ESR1: variants seen among roughly 807,000 people sequenced by gnomAD.
The protein encoded by ESR1 is estrogen receptor 1.
ESR1 carries 12 observed loss-of-function variants against 52.7 expected under a neutral mutation model. That is an observed-to-expected ratio of 0.23 (90% CI 0.15 to 0.37). The LOEUF is 0.37. Among genes scored for constraint, ESR1 ranks in the 10% least tolerant of loss-of-function variants. ESR1 has a pLI of 1.00. For synonymous variants in ESR1, 305 were observed against 316.8 expected, an observed-to-expected ratio of 0.96 and a Z score of 0.39; for missense variants, 584 against 779.7, an observed-to-expected ratio of 0.75 and a Z score of 2.99.
intron 1 of ESR1, among the ~76,000 whole-genome samples, chr6:151,836,194 A>G (rs17081777): frequency 0.055 from 8,356 of 152,258 alleles, 766 homozygotes; most frequent in African/African-American, 0.19. Flanking sequence ...GATGTAGGAG[A>G]TATATTTAGC....
chr6:151,710,315 G>A (rs1020714419), intron 2 of ESR1, among the ~76,000 whole-genome samples: 10 of 151,300 alleles, frequency 6.6e-5, no homozygotes, highest in African/African-American at 1.9e-4. Context: ...AGAAAGATAC[G>A]TGGATTACAT....
At chr6:151,740,934 A>G (rs1008939524) in intron 2 of ESR1, among the ~76,000 whole-genome samples, 2 of 152,164 alleles carry the variant, frequency 1.3e-5, no homozygotes, top group African/African-American at 2.4e-5. Flanking sequence ...CAGCTTTTCT[A>G]TATTCTGCTT....
chr6:152,047,107 G>A (rs2046288074), intron 5 of ESR1, among the ~76,000 whole-genome samples: 1 of 151,980 alleles, frequency 6.6e-6, no homozygotes, highest in Non-Finnish European at 1.5e-5. Flanking sequence ...TCAACCACAA[G>A]GAAACTAAAA....
chr6:152,063,909 G>A (rs1052339736), intron 6 of ESR1, among the ~76,000 whole-genome samples: 3 of 152,320 alleles, frequency 2.0e-5, no homozygotes, highest in Non-Finnish European at 4.4e-5. Context: ...TTTTGTGGCC[G>A]AGGCACAAGG....
At chr6:151,696,850 A>C (rs1779387698) in intron 1 of ESR1, among the ~76,000 whole-genome samples, 1 of 152,160 alleles carries the variant, frequency 6.6e-6, no homozygotes, top group Admixed American at 6.5e-5. Flanking sequence ...GGGTTGGTGC[A>C]GGATGGTTAG....
At chr6:152,077,797 G>A (rs1300100985) in intron 6 of ESR1, among the ~76,000 whole-genome samples, 1 of 152,158 alleles carries the variant, frequency 6.6e-6, no homozygotes, top group African/African-American at 2.4e-5. Flanking sequence ...CTCCCATTTG[G>A]AGCTGCTGTA....
rs373158760 is a variant in ESR1 at position 152,056,233 on chromosome 6, A to G, written c.1236-4758A>G. On this transcript the variant is annotated intron_variant, in intron 5 of 7. Coordinates refer to ENST00000206249, the MANE Select transcript of ESR1 (RefSeq NM_000125.4). The stretch of plus-strand genomic sequence containing the variant: ...TATGGAGTCTCAGCATTTTGAGCAC[A>G]TGCTGAGAGATTTTGTAGCATTGAA... Among the ~76,000 whole-genome samples the G allele has an allele frequency of 3.9e-5, 6 of 152,356 alleles. No homozygotes were observed. The South Asian group carries it at 1.2e-3, about 32-fold the overall frequency.
intron 2 of ESR1, among the ~76,000 whole-genome samples, chr6:151,847,070 C>A (rs1429159664): frequency 6.6e-6 from 1 of 152,232 alleles, no homozygotes. Flanking sequence ...CCAACAGAAG[C>A]TGCTCATCAG....
chr6:152,056,469 C>G (rs2128942393), intron 5 of ESR1, among the ~76,000 whole-genome samples: 1 of 152,272 alleles, frequency 6.6e-6, no homozygotes, highest in Non-Finnish European at 1.5e-5. Context: ...TTTTGTAAGG[C>G]ATATTTTTGA....
At chr6:151,832,972 G>A (rs1782693186) in intron 1 of ESR1, among the ~76,000 whole-genome samples, 1 of 152,196 alleles carries the variant, frequency 6.6e-6, no homozygotes, top group Non-Finnish European at 1.5e-5. Context: ...GTTATATGAT[G>A]ATGATAAGGA....
At chr6:152,049,099 GACTT>G (rs2046462091) in intron 5 of ESR1, among the ~76,000 whole-genome samples, 1 of 152,176 alleles carries the variant, frequency 6.6e-6, no homozygotes, top group Non-Finnish European at 1.5e-5. Context: ...TTCCTCTAGG[GACTT>G]ACTTTAGCTC....
At chr6:151,894,370 G>A (rs1795148480) in intron 3 of ESR1, among the ~76,000 whole-genome samples, 1 of 151,766 alleles carries the variant, frequency 6.6e-6, no homozygotes, top group Non-Finnish European at 1.5e-5. Context: ...TGCTCCTTTT[G>A]TGCAAAAGCT....
At chr6:151,842,563 A>G (rs2128233931) in intron 1 of ESR1, 34 bp from the exon 2 acceptor site, 1 of 1,596,972 alleles carries the variant, frequency 6.3e-7, no homozygotes, top group Non-Finnish European at 8.6e-7. Context: ...TTGCTTTTCT[A>G]ATGTTAATGG....
intron 1 of ESR1, among the ~76,000 whole-genome samples, chr6:151,835,507 C>T (rs758385405): frequency 6.6e-6 from 1 of 152,156 alleles, no homozygotes; most frequent in Non-Finnish European, 1.5e-5. Flanking sequence ...TAGTGTCTAA[C>T]TAGATGTCAT....
chr6:151,998,604 C>T (rs2041693406), intron 4 of ESR1, among the ~76,000 whole-genome samples: 1 of 152,032 alleles, frequency 6.6e-6, no homozygotes, highest in African/African-American at 2.4e-5. Context: ...ACCTTTTTCA[C>T]TCAACCAATT....
At chr6:151,858,306 G>A (rs187752356) in intron 2 of ESR1, among the ~76,000 whole-genome samples, 22 of 152,286 alleles carry the variant, frequency 1.4e-4, no homozygotes, top group Admixed American at 1.4e-3. Flanking sequence ...ACAGCTGCTG[G>A]CCTGACCAGC....
chr6:151,669,713 C>G (rs1411095470), intron 1 of ESR1, among the ~76,000 whole-genome samples: 1 of 152,092 alleles, frequency 6.6e-6, no homozygotes, highest in Admixed American at 6.6e-5. Flanking sequence ...ACAGAAAGCT[C>G]CCAGCACAGA....
chr6:151,781,813 AAAC>A (rs531686531), intron 2 of ESR1, among the ~76,000 whole-genome samples: 98 of 152,386 alleles, frequency 6.4e-4, no homozygotes, highest in Non-Finnish European at 1.1e-3. Flanking sequence ...ACAAAAAAAA[AAAC>A]TACTTTCAGC....
intron 4 of ESR1, among the ~76,000 whole-genome samples, chr6:151,975,896 T>A (rs1562620105): frequency 6.6e-6 from 1 of 152,132 alleles, no homozygotes; most frequent in Non-Finnish European, 1.5e-5. Context: ...TTCTGAACAA[T>A]TCCCTGTGAA....
Sources: gnomAD v4.1 joint callset for allele counts (sites outside exome capture counted in the v4.1 genomes callset) on GRCh38, gnomAD v4.1.1 for gene constraint, MANE v1.5 for transcripts, NCBI Gene and HGNC (gene_info 2026-07-23, HGNC 2026-07-21) for gene names.